PALM2AKAP2: variants seen among roughly 807,000 people sequenced by gnomAD.
The protein encoded by PALM2AKAP2 is PALM2 and AKAP2 fusion.
Under a neutral mutation model 71.5 loss-of-function variants are expected in PALM2AKAP2, and 37 were observed. The ratio of observed to expected loss-of-function variants is 0.52; its 90% confidence interval spans 0.40 to 0.68. The LOEUF is 0.68. Ranked by LOEUF, PALM2AKAP2 falls within the 30% of genes least tolerant of loss-of-function variation. The pLI, the probability that PALM2AKAP2 is intolerant of heterozygous loss-of-function variation, is 0.00. For synonymous variants in PALM2AKAP2, 468 were observed against 478.8 expected, an observed-to-expected ratio of 0.98 and a Z score of 0.29; for missense variants, 1,224 against 1,191.8, an observed-to-expected ratio of 1.03 and a Z score of -0.40.
chr9:109,769,924 G>T (rs764298221), intron 1 of PALM2AKAP2, among the ~76,000 whole-genome samples: 58 of 152,126 alleles, frequency 3.8e-4, no homozygotes, highest in Non-Finnish European at 7.6e-4. Flanking sequence ...ATCGGGTGAA[G>T]GCTGTTCTCC....
At chr9:109,913,849 T>C (rs996900826) in intron 3 of PALM2AKAP2, among the ~76,000 whole-genome samples, 4 of 150,328 alleles carry the variant, frequency 2.7e-5, no homozygotes, top group Non-Finnish European at 4.4e-5. Flanking sequence ...CTCCGCCTCC[T>C]GGGTTCATGC....
chr9:109,692,196 G>A (rs745611851), intron 1 of PALM2AKAP2, among the ~76,000 whole-genome samples: 1 of 151,002 alleles, frequency 6.6e-6, no homozygotes. Flanking sequence ...CCATTTCATA[G>A]TTTTAAAATT....
intron 6 of PALM2AKAP2, among the ~76,000 whole-genome samples, chr9:109,960,117 C>T (rs1267562052): frequency 2.6e-5 from 4 of 152,330 alleles, no homozygotes; most frequent in African/African-American, 9.6e-5. Flanking sequence ...GGATCCCACC[C>T]TGGCCCTCAC....
intron 1 of PALM2AKAP2, among the ~76,000 whole-genome samples, chr9:109,794,265 GTTT>G (rs991564045): frequency 1.3e-5 from 2 of 152,024 alleles, no homozygotes; most frequent in African/African-American, 4.8e-5. Context: ...TGTTGTTGTT[GTTT>G]TTTGAAAACC....
intron 6 of PALM2AKAP2, among the ~76,000 whole-genome samples, chr9:109,955,423 A>T (rs575706207): frequency 1.3e-5 from 2 of 152,328 alleles, no homozygotes; most frequent in East Asian, 3.9e-4. Flanking sequence ...CCTGTGTTTC[A>T]TGGTAAAAAG....
intron 1 of PALM2AKAP2, among the ~76,000 whole-genome samples, chr9:110,056,896 A>G (rs1232258414): frequency 6.6e-6 from 1 of 152,212 alleles, no homozygotes; most frequent in East Asian, 1.9e-4. Flanking sequence ...TATAGCCTCC[A>G]AAGGATGACA....
chr9:109,703,686 G>A (rs1828098026), intron 1 of PALM2AKAP2, among the ~76,000 whole-genome samples: 1 of 151,708 alleles, frequency 6.6e-6, no homozygotes, highest in Admixed American at 6.6e-5. Flanking sequence ...AAGACAGGGG[G>A]ATGGTGTTAG....
At chr9:109,812,826 C>CCATGTTTGA (rs575969258) in intron 1 of PALM2AKAP2, among the ~76,000 whole-genome samples, 77 of 152,288 alleles carry the variant, frequency 5.1e-4, no homozygotes, top group African/African-American at 1.8e-3. Flanking sequence ...TGCCTTGCTC[C>CCATGTTTGA]GTGATCTTCC....
At chr9:109,954,715 T>G (rs1831715184) in intron 6 of PALM2AKAP2, among the ~76,000 whole-genome samples, 1 of 149,136 alleles carries the variant, frequency 6.7e-6, no homozygotes, top group Admixed American at 6.6e-5. Context: ...AGTGATCATG[T>G]AGGGCAGAAG....
intron 1 of PALM2AKAP2, among the ~76,000 whole-genome samples, chr9:109,797,998 T>C (rs1827313246): frequency 1.3e-5 from 2 of 152,186 alleles, no homozygotes; most frequent in African/African-American, 2.4e-5. Context: ...TATCATCTCA[T>C]AGTTCTGGAG....
At chr9:109,718,592 A>C (rs1441939111) in intron 1 of PALM2AKAP2, among the ~76,000 whole-genome samples, 1 of 151,952 alleles carries the variant, frequency 6.6e-6, no homozygotes, top group African/African-American at 2.4e-5. Flanking sequence ...TTTATTTTGG[A>C]GTAATACTAG....
At position 109,998,782 on chromosome 9, in the gene PALM2AKAP2, AG is replaced by A. The variant is rs374630062; in HGVS notation, c.497-17166del. Among the ~76,000 whole-genome samples the A allele has an allele frequency of 5.2e-3, 754 of 144,784 alleles. 17 individuals are homozygous for A. The highest frequency in any genetic ancestry group is 6.4e-3 in the Non-Finnish European group (425 of 65,952). 95.0% of individuals were successfully genotyped at this position (144,784 alleles called of 152,430 possible). A position where few individuals can be genotyped will look rare whatever the true frequency, so the allele number is the denominator to read the frequency against. On this transcript the variant is annotated intron_variant, in intron 6 of 9. Coordinates refer to the PALM2AKAP2 transcript ENST00000302798. ...CCTGTCGCAAAAAAAAAAAAAAAAA[AG>A]GGGGGATAGTCCATTCTAGCTGCCC...
chr9:109,988,109 C>T (rs557674871), intron 6 of PALM2AKAP2, among the ~76,000 whole-genome samples: 2 of 152,160 alleles, frequency 1.3e-5, no homozygotes, highest in African/African-American at 2.4e-5. Flanking sequence ...TCTCAAGAGG[C>T]AAAACTGCTT....
chr9:110,156,908 TC>T (rs1408008578), intron 3 of PALM2AKAP2, among the ~76,000 whole-genome samples: 1 of 152,188 alleles, frequency 6.6e-6, no homozygotes, highest in Non-Finnish European at 1.5e-5. Flanking sequence ...AAGATGCTGT[TC>T]CTTCAAAGCC....
chr9:109,880,527 T>G, intron 2 of PALM2AKAP2, 24 bp from the exon 3 acceptor site: 1 of 1,611,670 alleles, frequency 6.2e-7, no homozygotes, highest in South Asian at 1.1e-5. Context: ...TCATCTTGTC[T>G]GTTGTCTTCC....
At chr9:110,016,526 C>T (rs1254585899) in intron 7 of PALM2AKAP2, among the ~76,000 whole-genome samples, 1 of 152,150 alleles carries the variant, frequency 6.6e-6, no homozygotes, top group Non-Finnish European at 1.5e-5. Context: ...CAGCACATGG[C>T]CCACTCCAGC....
At chr9:109,825,638 G>T (rs1043800498) in intron 1 of PALM2AKAP2, among the ~76,000 whole-genome samples, 11 of 152,190 alleles carry the variant, frequency 7.2e-5, no homozygotes, top group African/African-American at 2.7e-4. Flanking sequence ...GGCCATCAGA[G>T]AAATGCAAAT....
rs1334763556 is a variant in PALM2AKAP2, at chr9:110,011,003, A to AAC, written c.497-4950_497-4949insCA. 8.7e-3 allele frequency among the ~76,000 whole-genome samples: 979 copies of AAC among 112,512 alleles called. 23 individuals are homozygous for AAC. Among genetic ancestry groups the AAC allele is most frequent in the African/African-American group, 0.039 (943 of 24,140 alleles). 73.8% of individuals were successfully genotyped at this position (112,512 alleles called of 152,430 possible). On this transcript the variant is annotated intron_variant, in intron 6 of 9. Coordinates refer to the PALM2AKAP2 transcript ENST00000302798. ...AAGAGCGAAACTCTGTCTCAAAAAA[A>AAC]AAAAAAAAAAAATATATATATATAT... is the stretch of plus-strand genomic sequence containing the variant.
chr9:110,030,523 C>A (rs905493182), intron 7 of PALM2AKAP2, among the ~76,000 whole-genome samples: 3 of 152,082 alleles, frequency 2.0e-5, no homozygotes, highest in African/African-American at 7.2e-5. Context: ...AGACCTTGAG[C>A]CTTCTTCAGG....
Sources: allele counts gnomAD v4.1 joint callset (sites outside exome capture counted in the v4.1 genomes callset), GRCh38; gene constraint gnomAD v4.1.1; transcripts MANE v1.5; gene names NCBI Gene and HGNC (gene_info 2026-07-23, HGNC 2026-07-21).